The following GMEB1 variants were observed in gnomAD, a reference collection of about 807,000 sequenced individuals.
GMEB1 encodes glucocorticoid modulatory element binding protein 1.
Under a neutral mutation model 52.4 loss-of-function variants are expected in GMEB1, and 6 were observed. The ratio of observed to expected loss-of-function variants is 0.11; its 90% CI spans 0.06 to 0.23. The LOEUF is 0.23. Among genes scored for constraint, GMEB1 ranks in the 10% least tolerant of loss-of-function variants. The probability of loss-of-function intolerance (pLI) is 1.00; values close to 1 mark genes in which losing one functional copy is unlikely to be tolerated. For missense variants in GMEB1, 486 were observed against 685.6 expected (o/e 0.71, Z 3.25); for synonymous variants, 255 against 244.9 (o/e 1.04, Z -0.38).
intron 2 of GMEB1, among the ~76,000 whole-genome samples, chr1:28,684,457 G>A (rs1207584725): frequency 1.3e-5 from 2 of 151,886 alleles, no homozygotes; most frequent in African/African-American, 2.4e-5. Context: ...CAGCTACTTG[G>A]GAGGGTGAGG....
intron 2 of GMEB1, among the ~76,000 whole-genome samples, chr1:28,686,628 CAAAA>C (rs67007069): frequency 2.1e-5 from 2 of 94,298 alleles, no homozygotes; most frequent in Non-Finnish European, 4.1e-5. Context: ...GATTCTGTCT[CAAAA>C]AAAAAAAAAA....
rs540998019 is a variant in GMEB1, at chr1:28,693,412, T to A, written c.440+367T>A. On this transcript the variant is annotated intron_variant, in intron 5 of 9. Coordinates refer to ENST00000373816, the MANE Select transcript of GMEB1 (RefSeq NM_001319674.2). ...TTTTGTATTTTCAGTAGAGACGGGG[T>A]TTCACCATGTTGGTCAGGCTGATCT... 1.2e-4 allele frequency among the ~76,000 whole-genome samples: 18 copies of A among 151,832 alleles called. 1 individual carries two copies. The East Asian group carries it at 3.3e-3, about 28-fold the overall frequency.
chr1:28,686,360 C>T (rs1326609291), intron 2 of GMEB1, among the ~76,000 whole-genome samples: 1 of 151,656 alleles, frequency 6.6e-6, no homozygotes, highest in African/African-American at 2.4e-5. Context: ...AAAAAAAGGC[C>T]GGGTATGGTA....
intron 9 of GMEB1, 87 bp from the exon 10 acceptor site, chr1:28,713,986 A>T: frequency 1.0e-6 from 1 of 956,078 alleles, no homozygotes; most frequent in Non-Finnish European, 1.6e-6. Flanking sequence ...ACAAAACCAG[A>T]CAGAGACACC....
chr1:28,680,871 C>G (rs186407797), intron 1 of GMEB1, among the ~76,000 whole-genome samples: 18 of 152,090 alleles, frequency 1.2e-4, no homozygotes, highest in Admixed American at 9.2e-4. Flanking sequence ...TGGAGAAACC[C>G]CATCTCTACT....
intron 7 of GMEB1, 75 bp from the exon 8 acceptor site, chr1:28,704,117 T>G: frequency 2.4e-6 from 3 of 1,274,156 alleles, no homozygotes; most frequent in Non-Finnish European, 3.2e-6. Flanking sequence ...ATTTTGAATT[T>G]AACGTTGTAG....
At chr1:28,697,159 GTACATATATATATATATA>G in intron 6 of GMEB1, 75 bp downstream of exon 6, 1 of 190,302 alleles carries the variant, frequency 5.3e-6, no homozygotes. Flanking sequence ...TCCCTTGTGT[GTACATATATATATATATA>G]TATATATATA....
intron 8 of GMEB1, among the ~76,000 whole-genome samples, chr1:28,709,593 G>T (rs1395146398): frequency 6.6e-6 from 1 of 151,642 alleles, no homozygotes; most frequent in Non-Finnish European, 1.5e-5. Flanking sequence ...AAATTTTTTT[G>T]AGATGGAGTC....
At chr1:28,682,619 C>CAAAAA (rs59900537) in intron 1 of GMEB1, among the ~76,000 whole-genome samples, 1 of 53,640 alleles carries the variant, frequency 1.9e-5, no homozygotes, top group Non-Finnish European at 4.1e-5. Flanking sequence ...GACCCTGTCT[C>CAAAAA]AAAAAAAAAA....
At chr1:28,712,249 C>T (rs1294861447) in intron 9 of GMEB1, among the ~76,000 whole-genome samples, 1 of 152,122 alleles carries the variant, frequency 6.6e-6, no homozygotes, top group Non-Finnish European at 1.5e-5. Context: ...AGTGGGACTT[C>T]CATGCACTCT....
chr1:28,680,788 C>T (rs1218923382), intron 1 of GMEB1, among the ~76,000 whole-genome samples: 1 of 150,590 alleles, frequency 6.6e-6, no homozygotes, highest in East Asian at 2.0e-4. Flanking sequence ...CATGGTGGCT[C>T]ATCCCAGCAC....
chr1:28,690,069 T>C, intron 2 of GMEB1, 35 bp from the exon 3 acceptor site: 1 of 1,464,776 alleles, frequency 6.8e-7, no homozygotes, highest in South Asian at 1.2e-5. Flanking sequence ...TCATGATTTA[T>C]GTAGTTTGTT....
chr1:28,693,212 G>C (rs4654365), intron 5 of GMEB1, among the ~76,000 whole-genome samples, 167 bp downstream of exon 5: 1 of 151,266 alleles, frequency 6.6e-6, no homozygotes, highest in Non-Finnish European at 1.5e-5. Flanking sequence ...CCTGGGAGAC[G>C]AGATTGATTT....
chr1:28,670,173 A>G (rs150261630), intron 1 of GMEB1, among the ~76,000 whole-genome samples: 107 of 151,868 alleles, frequency 7.0e-4, no homozygotes, highest in African/African-American at 2.2e-3. Flanking sequence ...TTATTTATTT[A>G]TTTGTTTTTT....
At chr1:28,714,023 T>A (rs763041149) in intron 9 of GMEB1, 50 bp from the exon 10 acceptor site, 1 of 1,380,854 alleles carries the variant, frequency 7.2e-7, no homozygotes, top group Non-Finnish European at 1.0e-6. Flanking sequence ...AGTTTAATGC[T>A]CCCAAGATTT....
rs574626830 is a variant in GMEB1 at position 28,688,928 on chromosome 1, A to G, written c.129-1176A>G. ...CTTTTTTGAGACAGAGTCTTGCTCC[A>G]TCGCCCAGGCTGGAGTACAGTGGTG... On this transcript the variant is annotated intron_variant, in intron 2 of 9. Transcript: ENST00000373816. 1.2e-4 allele frequency among the ~76,000 whole-genome samples: 16 copies of G among 135,314 alleles called. 1 individual carries two copies. Among genetic ancestry groups the G allele is most frequent in the African/African-American group, 4.5e-4 (16 of 35,912 alleles). The allele number at this position is 135,314 out of a possible 152,430, so 88.8% of individuals were successfully genotyped here.
chr1:28,688,614 T>G, intron 2 of GMEB1, among the ~76,000 whole-genome samples: 1 of 152,100 alleles, frequency 6.6e-6, no homozygotes, highest in East Asian at 1.9e-4. Context: ...GGATGTAGTT[T>G]CTCTCTTACT....
intron 2 of GMEB1, among the ~76,000 whole-genome samples, chr1:28,689,497 C>T (rs1223502669): frequency 1.3e-5 from 2 of 152,040 alleles, no homozygotes; most frequent in Non-Finnish European, 2.9e-5. Flanking sequence ...GGCGTGGTGG[C>T]GGGCTCCTGT....
rs61127323 is a variant in GMEB1, at chr1:28,691,804, TTTTATTTATTTATTTATTTA to T, written c.336+123_336+142del. The T allele has an allele frequency of 2.1e-4, 51 of 238,672 alleles. 3 individuals are homozygous for T. The highest frequency in any genetic ancestry group is 6.6e-4 in the Middle Eastern group (1 of 1,516). 14.8% of individuals were successfully genotyped at this position (238,672 alleles called of 1,614,324 possible). On this transcript the variant is annotated intron_variant, in intron 4 of 9. Coordinates refer to ENST00000373816, the MANE Select transcript of GMEB1 (RefSeq NM_001319674.2). ...TCCTTTTTATCTTCCACTATATCAG[TTTTATTTATTTATTTATTTA>T]TTTATTTATTTATTTATTTATTTAT...
Sources: gnomAD v4.1 joint callset for allele counts (sites outside exome capture counted in the v4.1 genomes callset) on GRCh38, gnomAD v4.1.1 for gene constraint, MANE v1.5 for transcripts, NCBI Gene and HGNC (gene_info 2026-07-23, HGNC 2026-07-21) for gene names.